Variants in QTGAL observed in about 807,000 individuals in gnomAD.
QTGAL encodes BGnT-like protein 1.
chr17:82,951,996 G>A, the QTGAL span, among the ~76,000 whole-genome samples: 590 of 152,258 alleles, frequency 3.9e-3, 5 homozygotes, highest in Admixed American at 8.4e-3. Flanking sequence ...TGGAGTGGGC[G>A]TGCTGCTGGA....
the QTGAL span, among the ~76,000 whole-genome samples, chr17:82,996,731 A>G: frequency 6.6e-6 from 1 of 152,204 alleles, no homozygotes; most frequent in African/African-American, 2.4e-5. Flanking sequence ...GAGAACCCAT[A>G]GATAAATCAA....
chr17:83,050,148 A>G, the QTGAL span, among the ~76,000 whole-genome samples: 2 of 152,174 alleles, frequency 1.3e-5, no homozygotes, highest in African/African-American at 4.8e-5. Flanking sequence ...AGGCGGGCAG[A>G]TCATCTGATG....
the QTGAL span, chr17:82,956,865 C>T: frequency 7.3e-7 from 1 of 1,365,948 alleles, no homozygotes; most frequent in Non-Finnish European, 1.0e-6. This position sits in a 1 kb window ranked among gnomAD's most constrained non-coding sequence, Gnocchi z 5.7. Flanking sequence ...TTGGCTCACA[C>T]AGGAGCCAGG....
the QTGAL span, among the ~76,000 whole-genome samples, chr17:82,986,588 G>A: frequency 6.6e-6 from 1 of 152,212 alleles, no homozygotes; most frequent in Non-Finnish European, 1.5e-5. Context: ...AGGATGTTAT[G>A]GAATAGAACT....
chr17:83,049,452 AC>A, the QTGAL span, among the ~76,000 whole-genome samples: 1 of 138,524 alleles, frequency 7.2e-6, no homozygotes, highest in Non-Finnish European at 1.5e-5. Flanking sequence ...TCGCTCTGTC[AC>A]CCAGGCTGGA....
chr17:82,951,246 G>A, the QTGAL span, among the ~76,000 whole-genome samples: 4 of 152,172 alleles, frequency 2.6e-5, no homozygotes, highest in Admixed American at 6.5e-5. Context: ...GAAGATCTGT[G>A]GTTGAGTGCG....
the QTGAL span, among the ~76,000 whole-genome samples, chr17:83,039,492 G>C: frequency 3.7e-3 from 355 of 97,162 alleles, 1 homozygote; most frequent in African/African-American, 0.013. Context: ...GCCCGCCCCT[G>C]TTCTAGACAC....
the QTGAL span, among the ~76,000 whole-genome samples, chr17:82,985,681 C>T: frequency 3.3e-5 from 5 of 152,162 alleles, no homozygotes; most frequent in Non-Finnish European, 5.9e-5. Context: ...CTCCCACTGC[C>T]CTAATACGCG....
the QTGAL span, among the ~76,000 whole-genome samples, chr17:83,008,618 C>T: frequency 6.6e-6 from 1 of 152,218 alleles, no homozygotes; most frequent in African/African-American, 2.4e-5. Flanking sequence ...GTCAGCATGA[C>T]ACCACGTGAC....
At chr17:83,017,787 C>T in the QTGAL span, among the ~76,000 whole-genome samples, 12 of 152,062 alleles carry the variant, frequency 7.9e-5, no homozygotes, top group South Asian at 4.2e-4. Context: ...TATCAGGTAC[C>T]GCACGTGCTC....
At chr17:82,973,956 G>A in the QTGAL span, among the ~76,000 whole-genome samples, 7 of 152,078 alleles carry the variant, frequency 4.6e-5, no homozygotes, top group East Asian at 1.9e-4. Context: ...TTCCCACCCC[G>A]CCTGCCACTG....
the QTGAL span, among the ~76,000 whole-genome samples, chr17:83,032,350 G>A: frequency 0.033 from 2,083 of 62,730 alleles, 136 homozygotes; most frequent in East Asian, 0.12. Context: ...GCTGAACAAC[G>A]GGTCAGACCA....
At chr17:82,996,158 T>C in the QTGAL span, among the ~76,000 whole-genome samples, 4 of 152,202 alleles carry the variant, frequency 2.6e-5, no homozygotes, top group Admixed American at 6.5e-5. Flanking sequence ...TGTTAAAATA[T>C]CTATACTACC....
chr17:83,002,891 CGTGTGGG>C, the QTGAL span, among the ~76,000 whole-genome samples: 1 of 43,860 alleles, frequency 2.3e-5, no homozygotes, highest in African/African-American at 1.2e-4. Flanking sequence ...CCGCCCTCCG[CGTGTGGG>C]ATTCCTGAGC....
the QTGAL span, chr17:82,946,910 A>C: frequency 6.4e-7 from 1 of 1,566,218 alleles, no homozygotes; most frequent in Non-Finnish European, 8.7e-7. Flanking sequence ...CCGTCAGCTG[A>C]AGTGAAGGAA....
At chr17:82,971,010 G>T in the QTGAL span, among the ~76,000 whole-genome samples, 1 of 152,168 alleles carries the variant, frequency 6.6e-6, no homozygotes, top group Non-Finnish European at 1.5e-5. Flanking sequence ...CCACAGGTCG[G>T]CGTCGTGGGG....
chr17:82,947,365 G>T, the QTGAL span: 1 of 214,630 alleles, frequency 4.7e-6, no homozygotes, highest in Non-Finnish European at 9.2e-6. Context: ...GGAGTGGGAG[G>T]AGGCCCCTCA....
At chr17:82,965,738 G>A in the QTGAL span, 5 of 1,611,388 alleles carry the variant, frequency 3.1e-6, no homozygotes, top group Admixed American at 8.4e-5. Context: ...GGCCATTTGA[G>A]GTGAAAACCT....
chr17:83,011,362 C>T, the QTGAL span: 2 of 152,206 alleles, frequency 1.3e-5, no homozygotes, highest in South Asian at 2.1e-4. Context: ...TTATGAAAGC[C>T]GCCATCAAAG....
Sources: gnomAD v4.1 joint callset for allele counts (sites outside exome capture counted in the v4.1 genomes callset) on GRCh38, gnomAD v4.1.1 for gene constraint, Gnocchi (gnomAD v3.1) non-coding constraint, MANE v1.5 for transcripts, NCBI Gene and HGNC (gene_info 2026-07-23, HGNC 2026-07-21) for gene names.